PIEZO2: variants seen among roughly 807,000 people sequenced by gnomAD.
PIEZO2 encodes the protein piezo type mechanosensitive ion channel component 2, also known as piezo-type mechanosensitive ion channel component 2.
In PIEZO2, 172 loss-of-function variants were observed where a neutral mutation model predicts 337.3. The observed-to-expected ratio is 0.51, with a 90% CI of 0.45 to 0.58. The LOEUF (loss-of-function observed/expected upper bound fraction) is 0.58, where lower values mean the gene tolerates loss of function less well. Ranked by LOEUF, PIEZO2 falls within the 20% of genes least tolerant of loss-of-function variation. PIEZO2 has a pLI of 0.00. For missense variants in PIEZO2, 3,028 were observed against 3,391.3 expected (o/e 0.89, Z 2.66); for synonymous variants, 1,251 against 1,228.5 (o/e 1.02, Z -0.38).
chr18:10,726,288 G>A lies in PIEZO2; in HGVS notation c.5029+5119C>T, dbSNP rs1386910992. ...GGGAGCATGAGAATGGAAGCGTCGC[G>A]GCCAGAGCCCCGGCCAGGTGGAGCA... On this transcript the variant is annotated intron_variant, in intron 36 of 55. Transcript: ENST00000674853. The surrounding 1 kb of genome is among the most constrained non-coding windows in gnomAD (Gnocchi z 5.9). 7 of 953,560 alleles carry A rather than the reference G, an allele frequency of 7.3e-6. No homozygotes were observed. In the East Asian group the frequency reaches 1.3e-4, roughly 18 times the overall value. The allele number at this position is 953,560 out of a possible 1,614,324, so 59.1% of individuals were successfully genotyped here.
In PIEZO2 at chr18:10,795,328, TTTATTTTATTTTATTTTATTTTA is replaced by T. The variant is rs1368110230; in HGVS notation, c.1528-349_1528-327del. Among the ~76,000 whole-genome samples the T allele has an allele frequency of 0.027, 405 of 14,974 alleles. 14 individuals are homozygous for T. Among genetic ancestry groups the T allele is most frequent in the Non-Finnish European group, 0.025 (152 of 6,190 alleles). 9.8% of individuals were successfully genotyped at this position (14,974 alleles called of 152,430 possible). A position where few individuals can be genotyped will look rare whatever the true frequency, so the allele number is the denominator to read the frequency against. On this transcript the variant is annotated intron_variant, in intron 12 of 55. Coordinates refer to ENST00000674853, the MANE Select transcript of PIEZO2 (RefSeq NM_001378183.1). The surrounding 1 kb of genome is among the most constrained non-coding windows in gnomAD (Gnocchi z 4.4). ...TGTGTATTCAAATATTTTATTTTAT[TTTATTTTATTTTATTTTATTTTA>T]TTATTTTATTTTATTTTATTTTATT...
chr18:11,071,935 C>T (rs781780358), intron 1 of PIEZO2, among the ~76,000 whole-genome samples: 3 of 152,070 alleles, frequency 2.0e-5, no homozygotes, highest in Non-Finnish European at 4.4e-5. Context: ...CTCCAGTTTC[C>T]CACCCGTGCC....
intron 2 of PIEZO2, among the ~76,000 whole-genome samples, chr18:11,034,269 A>G (rs2036843263): frequency 6.6e-6 from 1 of 151,806 alleles, no homozygotes; most frequent in Non-Finnish European, 1.5e-5. Context: ...AAGTCTATTT[A>G]CTGATTAAAT....
chr18:10,671,583 A>G lies in PIEZO2; in HGVS notation c.8542T>C (p.Phe2848Leu). 6.2e-7 allele frequency: 1 copy of G among 1,613,946 alleles called. No individual in the cohort carries two copies. Among genetic ancestry groups the G allele is most frequent in the Non-Finnish European group, 8.5e-7 (1 of 1,179,874 alleles). Reference protein sequence around the residue: ...LEEDLYAKLIFLYRSPETMIK... With the variant: ...LEEDLYAKLILLYRSPETMIK... ...ATTGTCTCTGGTGAGCGATATAGGA[A>G]TATTAATTTGGCATAGAGATCTTCT... Residue 2848 changes from phenylalanine to leucine, a missense_variant, in exon 56 of 56, where the codon TTC (phenylalanine) becomes CTC (leucine). Around this residue, in one of 5 missense-constraint regions of PIEZO2, gnomAD observed 332 missense variants for 363.8 expected, o/e 0.91. Coordinates refer to ENST00000674853, the MANE Select transcript of PIEZO2 (RefSeq NM_001378183.1).
Position 10,672,680 on chromosome 18 carries a change from G to A in PIEZO2, c.8345+10C>T, listed in dbSNP as rs2033830353. The A allele has an allele frequency of 6.2e-7, 1 of 1,607,634 alleles. No homozygotes were observed. The highest frequency in any genetic ancestry group is 1.3e-5 in the African/African-American group (1 of 74,490). On this transcript the variant is annotated intron_variant, in intron 55 of 55. Coordinates refer to ENST00000674853, the MANE Select transcript of PIEZO2 (RefSeq NM_001378183.1). The surrounding 1 kb of genome is among the most constrained non-coding windows in gnomAD (Gnocchi z 4.7). ...CTCTTGTAACTGTGAATTGTTCAAT[G>A]AGTCCTTACCCATAGCCAGCCAGGA...
At chr18:10,797,336 T>C (rs1292792213) in intron 12 of PIEZO2, 38 bp downstream of exon 12, 9 of 1,304,670 alleles carry the variant, frequency 6.9e-6, no homozygotes, top group Non-Finnish European at 9.5e-6. Context: ...TATCATATTA[T>C]ACATATCATA....
intron 3 of PIEZO2, among the ~76,000 whole-genome samples, chr18:10,951,346 A>T (rs1285477474): frequency 6.6e-6 from 1 of 152,188 alleles, no homozygotes; most frequent in Non-Finnish European, 1.5e-5. Flanking sequence ...TTGTATCCCA[A>T]ATGAAATCTG....
intron 1 of PIEZO2, among the ~76,000 whole-genome samples, chr18:11,141,625 CCA>C (rs1183629552): frequency 1.3e-5 from 2 of 152,152 alleles, no homozygotes; most frequent in African/African-American, 4.8e-5. Context: ...GCAGTGGCAC[CCA>C]CAGTCTCGTC....
intron 2 of PIEZO2, among the ~76,000 whole-genome samples, chr18:11,050,053 T>C (rs1265415251): frequency 6.6e-6 from 1 of 152,090 alleles, no homozygotes. Flanking sequence ...TCTGACTGAG[T>C]AGTGTATGCC....
In PIEZO2 at chr18:11,104,286, C is replaced by T. The variant is rs915291406; in HGVS notation, c.65-38064G>A. Among the ~76,000 whole-genome samples, 1 of 152,136 alleles carries T rather than the reference C, an allele frequency of 6.6e-6. No individual in the cohort carries two copies. The highest frequency in any genetic ancestry group is 1.5e-5 in the Non-Finnish European group (1 of 68,006). On this transcript the variant is annotated intron_variant, in intron 1 of 55. Coordinates refer to ENST00000674853, the MANE Select transcript of PIEZO2 (RefSeq NM_001378183.1). The surrounding 1 kb of genome is among the most constrained non-coding windows in gnomAD (Gnocchi z 4.6). ...AAAGGTGGCAGTGTGGGGAGAATAT[C>T]GTGAGGAAGAATCCTATGCAGAAAG...
rs374229699 is a variant in PIEZO2 at position 10,803,673 on chromosome 18, A to G, written c.1200+202T>C. On this transcript the variant is annotated intron_variant, in intron 9 of 55. Coordinates refer to ENST00000674853, the MANE Select transcript of PIEZO2 (RefSeq NM_001378183.1). Reference sequence around the variant, plus strand: ...TCAGTAGAAAGCACGGAAATATAAAATGATGTTCTTGACGGGATCTGGGTA... The same window carrying G: ...TCAGTAGAAAGCACGGAAATATAAAGTGATGTTCTTGACGGGATCTGGGTA... 1.1e-4 allele frequency among the ~76,000 whole-genome samples: 16 copies of G among 152,352 alleles called. No homozygotes were observed. The East Asian group carries it at 2.3e-3, about 22-fold the overall frequency.
chr18:10,692,600 C>A (rs1382385539), intron 47 of PIEZO2, among the ~76,000 whole-genome samples: 2 of 152,016 alleles, frequency 1.3e-5, no homozygotes, highest in African/African-American at 4.8e-5. Context: ...GTTCCAGCAC[C>A]ATTTGCATTT....
At position 10,846,237 on chromosome 18, in the gene PIEZO2, T is replaced by TCTTA. The variant is rs889918934; in HGVS notation, c.917+9112_917+9115dup. Among the ~76,000 whole-genome samples, 35 of 152,168 alleles carry TCTTA rather than the reference T, an allele frequency of 2.3e-4. 1 individual carries two copies. Among genetic ancestry groups the TCTTA allele is most frequent in the African/African-American group, 7.7e-4 (32 of 41,428 alleles). On this transcript the variant is annotated intron_variant, in intron 7 of 55. Transcript: ENST00000674853. The surrounding 1 kb of genome is among the most constrained non-coding windows in gnomAD (Gnocchi z 4.1). Reference sequence around the variant, plus strand: ...AGAAGGCAAGGAGGAGCAAGTCACATCTTACACAGATGGCAGCAGGCAAAG... The same window carrying TCTTA: ...AGAAGGCAAGGAGGAGCAAGTCACATCTTACTTACACAGATGGCAGCAGGCAAAG...
At chr18:10,760,268 G>A (rs932845302) in intron 24 of PIEZO2, among the ~76,000 whole-genome samples, 1 of 152,164 alleles carries the variant, frequency 6.6e-6, no homozygotes, top group Non-Finnish European at 1.5e-5. Context: ...TGCAGCTTAT[G>A]GTTTCAGAAT....
chr18:10,913,546 G>T (rs1476393806), intron 3 of PIEZO2, among the ~76,000 whole-genome samples: 7 of 151,924 alleles, frequency 4.6e-5, no homozygotes, highest in Non-Finnish European at 8.8e-5. Flanking sequence ...TTTTTAATAG[G>T]TTCAATTACT....
At chr18:10,733,901 T>C (rs1411791532) in intron 35 of PIEZO2, among the ~76,000 whole-genome samples, 2 of 152,230 alleles carry the variant, frequency 1.3e-5, no homozygotes, top group African/African-American at 4.8e-5. Context: ...CTACTACCAG[T>C]AGCATGCGTT....
At chr18:10,989,985 C>G (rs142805757) in intron 2 of PIEZO2, among the ~76,000 whole-genome samples, 1 of 151,948 alleles carries the variant, frequency 6.6e-6, no homozygotes, top group Non-Finnish European at 1.5e-5. Context: ...TACATGGAGA[C>G]GAATAATGAC....
intron 42 of PIEZO2, 72 bp from the exon 43 acceptor site, chr18:10,702,243 G>C: frequency 7.2e-7 from 1 of 1,379,430 alleles, no homozygotes; most frequent in Non-Finnish European, 9.6e-7. Flanking sequence ...ATGGGAAAGA[G>C]CAATATAACA....
At chr18:11,119,920 T>A (rs533670537) in intron 1 of PIEZO2, among the ~76,000 whole-genome samples, 1 of 152,362 alleles carries the variant, frequency 6.6e-6, no homozygotes, top group African/African-American at 2.4e-5. Flanking sequence ...ACCTAGTTGA[T>A]ACTTCATAAA....
Sources: allele counts gnomAD v4.1 joint callset (sites outside exome capture counted in the v4.1 genomes callset), GRCh38; gene constraint gnomAD v4.1.1; regional missense constraint gnomAD v4.1.1; non-coding constraint Gnocchi (gnomAD v3.1); transcripts MANE v1.5; gene names NCBI Gene and HGNC (gene_info 2026-07-23, HGNC 2026-07-21).